BTRC: variants seen among roughly 807,000 people sequenced by gnomAD.
BTRC encodes the protein F-box/WD repeat-containing protein 1A.
A neutral mutation model predicts 85.5 loss-of-function variants in BTRC; 42 were observed. The observed-to-expected ratio is 0.49, with a 90% CI of 0.38 to 0.64. BTRC has a LOEUF of 0.64. Among genes scored for constraint, BTRC ranks in the 30% least tolerant of loss-of-function variants. The pLI is 0.00. For missense variants in BTRC, 594 were observed against 743.5 expected (o/e 0.80, Z 2.34); for synonymous variants, 255 against 263.3 (o/e 0.97, Z 0.30).
rs755113227 is a variant in BTRC, at chr10:101,503,551, G to A, written c.325-18088G>A. Among the ~76,000 whole-genome samples, 6 of 152,290 alleles carry A rather than the reference G, an allele frequency of 3.9e-5. No homozygotes were observed. In the South Asian group the frequency reaches 1.0e-3, roughly 26 times the overall value. On this transcript the variant is annotated intron_variant, in intron 4 of 14. Coordinates refer to ENST00000370187, the MANE Select transcript of BTRC (RefSeq NM_033637.4). Reference sequence around the variant, plus strand: ...TTACCAAAGTATTCCAGAGAGAAATGTCTTCAGTCCCTTGATGTTCCCAGG... The same window carrying A: ...TTACCAAAGTATTCCAGAGAGAAATATCTTCAGTCCCTTGATGTTCCCAGG...
intron 1 of BTRC, among the ~76,000 whole-genome samples, chr10:101,388,618 T>C (rs1195009196): frequency 6.6e-6 from 1 of 152,102 alleles, no homozygotes; most frequent in African/African-American, 2.4e-5. Context: ...GCTTCCCAAG[T>C]AGCTGGGACT....
At chr10:101,377,377 T>A (rs913817774) in intron 1 of BTRC, among the ~76,000 whole-genome samples, 2 of 152,210 alleles carry the variant, frequency 1.3e-5, no homozygotes, top group African/African-American at 4.8e-5. Context: ...ATAGATTTTG[T>A]GTGAACATTT....
intron 4 of BTRC, among the ~76,000 whole-genome samples, chr10:101,507,423 A>T (rs898491326): frequency 6.6e-6 from 1 of 152,368 alleles, no homozygotes; most frequent in Non-Finnish European, 1.5e-5. Flanking sequence ...AGTTAACACG[A>T]TAAAGGCTCT....
chr10:101,491,651 C>A lies in BTRC; in HGVS notation c.324+12194C>A, dbSNP rs190657341. On this transcript the variant is annotated intron_variant, in intron 4 of 14. Transcript: ENST00000370187. ...GGCGGAGGTTGCAGTGAGCCAAGATCGCGCCTCTGCACTCCAGCCTGGGTG... is the reference window on the plus strand; with the variant it reads ...GGCGGAGGTTGCAGTGAGCCAAGATAGCGCCTCTGCACTCCAGCCTGGGTG... Among the ~76,000 whole-genome samples the A allele has an allele frequency of 3.6e-3, 540 of 151,552 alleles. 4 individuals carry two copies. The highest frequency in any genetic ancestry group is 0.017 in the Admixed American group (260 of 15,220).
chr10:101,499,657 ACC>A (rs1261983804), intron 4 of BTRC, among the ~76,000 whole-genome samples: 7 of 150,124 alleles, frequency 4.7e-5, no homozygotes, highest in Admixed American at 1.3e-4. Flanking sequence ...CACACCCCTA[ACC>A]CCCATTCTCA....
chr10:101,489,336 TA>T (rs1244848036), intron 4 of BTRC, among the ~76,000 whole-genome samples: 21 of 152,210 alleles, frequency 1.4e-4, no homozygotes, highest in Non-Finnish European at 2.6e-4. Flanking sequence ...TATTAATATT[TA>T]AAGTCCACTT....
chr10:101,394,426 T>G (rs1212164697), intron 1 of BTRC, among the ~76,000 whole-genome samples: 2 of 152,258 alleles, frequency 1.3e-5, no homozygotes, highest in African/African-American at 4.8e-5. Context: ...GCCTGGCTTG[T>G]GGATTTCACC....
chr10:101,538,286 T>A lies in BTRC; in HGVS notation c.1578-7T>A. On this transcript the variant is annotated splice_region_variant and splice_polypyrimidine_tract_variant and intron_variant, in intron 12 of 14. Transcript: ENST00000370187. ...ACTAACATTTTTGTCCCCTTTTTGA[T>A]CTTTAGAAAAATTAAAGTGTGGGAT... The A allele has an allele frequency of 1.2e-6, 2 of 1,613,268 alleles. No homozygotes were observed. Among genetic ancestry groups the A allele is most frequent in the Non-Finnish European group, 1.7e-6 (2 of 1,179,192 alleles).
At chr10:101,541,329 A>G (rs2062464358) in intron 13 of BTRC, among the ~76,000 whole-genome samples, 1 of 150,324 alleles carries the variant, frequency 6.7e-6, no homozygotes, top group Non-Finnish European at 1.5e-5. Flanking sequence ...GCGCGATCTC[A>G]GCGCACTGCA....
intron 1 of BTRC, among the ~76,000 whole-genome samples, chr10:101,409,187 A>G (rs1297807362): frequency 6.6e-6 from 1 of 152,230 alleles, no homozygotes; most frequent in Non-Finnish European, 1.5e-5. Context: ...AGACATTTAC[A>G]TCATTCCAAG....
intron 4 of BTRC, among the ~76,000 whole-genome samples, chr10:101,480,616 C>T (rs909931632): frequency 4.6e-5 from 7 of 152,120 alleles, no homozygotes; most frequent in African/African-American, 1.7e-4. Context: ...TTGGAGAACA[C>T]AAACGTTCAG....
chr10:101,506,521 A>G (rs139406401), intron 4 of BTRC, among the ~76,000 whole-genome samples: 2 of 152,256 alleles, frequency 1.3e-5, no homozygotes, highest in African/African-American at 4.8e-5. Flanking sequence ...ACAGGCATTG[A>G]TGAGCAGCAG....
intron 3 of BTRC, among the ~76,000 whole-genome samples, chr10:101,467,420 G>C (rs531077989): frequency 2.7e-5 from 4 of 148,162 alleles, no homozygotes; most frequent in African/African-American, 7.5e-5. Context: ...AGGGAGCTTT[G>C]TTCTGATAAT....
At chr10:101,363,895 G>A (rs1349929753) in intron 1 of BTRC, among the ~76,000 whole-genome samples, 1 of 152,146 alleles carries the variant, frequency 6.6e-6, no homozygotes, top group African/African-American at 2.4e-5. Context: ...TGTTGTCACA[G>A]TATCATTTCA....
In BTRC at chr10:101,354,658, G is replaced by C. The variant is rs112299503; in HGVS notation, c.48+430G>C. On this transcript the variant is annotated intron_variant, in intron 1 of 14. Transcript: ENST00000370187. The stretch of plus-strand genomic sequence containing the variant: ...ATTCACGACTGGGGAAGGGAGCGCG[G>C]GATAGAGTGAAGACAGATACGGTGG... The C allele has an allele frequency of 1.9e-3, 421 of 219,334 alleles. 4 individuals carry two copies. Among genetic ancestry groups the C allele is most frequent in the African/African-American group, 9.0e-3 (383 of 42,408 alleles). 13.6% of individuals were successfully genotyped at this position (219,334 alleles called of 1,614,324 possible).
chr10:101,400,887 C>T lies in BTRC; in HGVS notation c.49-29458C>T, dbSNP rs968745868. Among the ~76,000 whole-genome samples, 6 of 152,252 alleles carry T rather than the reference C, an allele frequency of 3.9e-5. No individual in the cohort carries two copies. In the East Asian group the frequency reaches 1.2e-3, roughly 29 times the overall value. On this transcript the variant is annotated intron_variant, in intron 1 of 14. Transcript: ENST00000370187. ...CATTTTCCTCTGCCTTTCTTTCCCTCCTTTTTTCCGTCCCCACTATCCTCC... is the reference window on the plus strand; with the variant it reads ...CATTTTCCTCTGCCTTTCTTTCCCTTCTTTTTTCCGTCCCCACTATCCTCC...
At chr10:101,464,841 C>G (rs576098923) in intron 3 of BTRC, among the ~76,000 whole-genome samples, 50 of 152,156 alleles carry the variant, frequency 3.3e-4, no homozygotes, top group African/African-American at 1.2e-3. Flanking sequence ...GTTTTTTGCT[C>G]GAACCAGATT....
chr10:101,428,094 T>G (rs1944308117), intron 1 of BTRC, among the ~76,000 whole-genome samples: 1 of 152,154 alleles, frequency 6.6e-6, no homozygotes, highest in Non-Finnish European at 1.5e-5. Flanking sequence ...GAGACTGAAA[T>G]TAGTATACAT....
At chr10:101,552,659 CTT>C (rs2134491486) in intron 14 of BTRC, among the ~76,000 whole-genome samples, 1 of 152,292 alleles carries the variant, frequency 6.6e-6, no homozygotes, top group South Asian at 2.1e-4. Context: ...CACAGCTGTC[CTT>C]GAAGATAGCA....
Sources: allele counts gnomAD v4.1 joint callset (sites outside exome capture counted in the v4.1 genomes callset), GRCh38; gene constraint gnomAD v4.1.1; transcripts MANE v1.5; gene names NCBI Gene and HGNC (gene_info 2026-07-23, HGNC 2026-07-21).